IGFBP2: variants seen among roughly 807,000 people sequenced by gnomAD.
IGFBP2 encodes the protein insulin like growth factor binding protein 2.
A neutral mutation model predicts 26.2 loss-of-function variants in IGFBP2; 12 were observed. The ratio of observed to expected loss-of-function variants is 0.46; its 90% CI spans 0.29 to 0.74. The LOEUF (loss-of-function observed/expected upper bound fraction) is 0.74. IGFBP2 is among the 30% of genes least tolerant of loss of function. The pLI is 0.09. For synonymous variants in IGFBP2, 189 were observed against 200.6 expected, an observed-to-expected ratio of 0.94 and a Z score of 0.49; for missense variants, 328 against 441.2, an observed-to-expected ratio of 0.74 and a Z score of 2.30.
At position 216,661,879 on chromosome 2, in the gene IGFBP2, G is replaced by C. The variant is rs1289110996; in HGVS notation, c.694G>C (p.Asp232His). ...GCAGACTCCCTGCCAACAGGAACTG[G>C]ACCAGGTCCTGGAGCGGATCTCCAC... ...PARTPCQQELDQVLERISTMR... is the reference protein window; with the variant it reads ...PARTPCQQELHQVLERISTMR... Residue 232 changes from aspartate (D) to histidine (H), a missense_variant, in exon 3 of 4, where the codon GAC becomes CAC. Physicochemically the swap from Asp to His is moderately conservative, Grantham distance 81. Coordinates refer to ENST00000233809, the MANE Select transcript of IGFBP2 (RefSeq NM_000597.3). The C allele has an allele frequency of 6.2e-7, 1 of 1,614,092 alleles. No individual in the cohort carries two copies. Among genetic ancestry groups the C allele is most frequent in the Non-Finnish European group, 8.5e-7 (1 of 1,180,048 alleles).
intron 3 of IGFBP2, 33 bp from the exon 4 acceptor site, chr2:216,663,907 G>A (rs750251177): frequency 1.5e-5 from 24 of 1,587,652 alleles, no homozygotes; most frequent in Non-Finnish European, 2.0e-5. Context: ...TGCTGGCTGC[G>A]GGCTCCTCCA....
In IGFBP2 at chr2:216,660,711, C is replaced by G; in HGVS notation, c.597C>G (p.His199Gln). ...TCCGGGAGAAGGTCACTGAGCAGCA[C>G]CGGCAGATGGGCAAGGGTGGCAAGC... ...AVFREKVTEQ[H>Q]RQMGKGGKHH... Residue 199 changes from histidine to glutamine, a missense_variant, in exon 2 of 4, where the codon CAC becomes CAG. Coordinates refer to ENST00000233809, the MANE Select transcript of IGFBP2 (RefSeq NM_000597.3). 6.2e-7 allele frequency: 1 copy of G among 1,613,888 alleles called. No homozygotes were observed. The highest frequency in any genetic ancestry group is 1.1e-5 in the South Asian group (1 of 90,986).
At chr2:216,645,348 A>AG (rs1340393806) in intron 1 of IGFBP2, among the ~76,000 whole-genome samples, 1 of 152,050 alleles carries the variant, frequency 6.6e-6, no homozygotes, top group East Asian at 1.9e-4. Flanking sequence ...AGAGATGGGG[A>AG]GGGGAAGAAA....
At chr2:216,658,316 A>C (rs1697957641) in intron 1 of IGFBP2, among the ~76,000 whole-genome samples, 1 of 151,958 alleles carries the variant, frequency 6.6e-6, no homozygotes, top group Non-Finnish European at 1.5e-5. Context: ...TTCTCCCCTC[A>C]TCTTGAGTGG....
intron 1 of IGFBP2, among the ~76,000 whole-genome samples, chr2:216,634,669 G>T (rs992761065): frequency 5.9e-5 from 9 of 152,196 alleles, no homozygotes; most frequent in Non-Finnish European, 8.8e-5. Context: ...CCCGATCGCC[G>T]GCTGCATTCC....
chr2:216,637,609 A>T (rs560939610), intron 1 of IGFBP2, among the ~76,000 whole-genome samples: 1 of 152,358 alleles, frequency 6.6e-6, no homozygotes, highest in South Asian at 2.1e-4. Flanking sequence ...TCGAGAACAG[A>T]AAAATTCTAC....
At chr2:216,662,102 CTGAG>C (rs1688666000) in intron 3 of IGFBP2, 104 bp downstream of exon 3, 1 of 1,314,374 alleles carries the variant, frequency 7.6e-7, no homozygotes. Flanking sequence ...GAGGTCTGAG[CTGAG>C]TGAGAGACTC....
chr2:216,663,953 T>C lies in IGFBP2; in HGVS notation c.827T>C (p.Leu276Pro), dbSNP rs1688705943. The C allele has an allele frequency of 6.2e-7, 1 of 1,613,990 alleles. No homozygotes were observed. The highest frequency in any genetic ancestry group is 8.5e-7 in the Non-Finnish European group (1 of 1,179,996). ...LYNLKQCKMSLNGQRGECWCV... is the reference protein window; with the variant it reads ...LYNLKQCKMSPNGQRGECWCV... The stretch of plus-strand genomic sequence containing the variant: ...CTCTCTCCCCAGTGCAAGATGTCTC[T>C]GAACGGGCAGCGTGGGGAGTGCTGG... Residue 276 changes from leucine to proline, a missense_variant, in exon 4 of 4, where the codon CTG becomes CCG. Coordinates refer to ENST00000233809, the MANE Select transcript of IGFBP2 (RefSeq NM_000597.3).
intron 1 of IGFBP2, 30 bp downstream of exon 1, chr2:216,633,995 G>T (rs750096532): frequency 8.1e-5 from 126 of 1,564,332 alleles, no homozygotes; most frequent in Non-Finnish European, 9.6e-5. Context: ...GTAGTTGGGA[G>T]AAACTTGGAG....
At chr2:216,651,025 A>G (rs763972675) in intron 1 of IGFBP2, among the ~76,000 whole-genome samples, 2 of 152,160 alleles carry the variant, frequency 1.3e-5, no homozygotes, top group South Asian at 4.1e-4. Context: ...GTGCCAGCCT[A>G]TACCGCGACA....
chr2:216,642,246 C>T (rs1380105951), intron 1 of IGFBP2, among the ~76,000 whole-genome samples: 2 of 151,524 alleles, frequency 1.3e-5, no homozygotes, highest in East Asian at 3.9e-4. Context: ...GATCCGCCCA[C>T]CTCGGCCTCC....
At chr2:216,645,055 CTGGA>C (rs1244219689) in intron 1 of IGFBP2, among the ~76,000 whole-genome samples, 1 of 152,186 alleles carries the variant, frequency 6.6e-6, no homozygotes, top group Non-Finnish European at 1.5e-5. Flanking sequence ...GTCTTTACTT[CTGGA>C]TGGAGGTGCC....
At chr2:216,641,790 C>T (rs1272996954) in intron 1 of IGFBP2, among the ~76,000 whole-genome samples, 109 of 142,882 alleles carry the variant, frequency 7.6e-4, no homozygotes, top group African/African-American at 2.5e-3. Context: ...CCTGGGTTCA[C>T]GCCATTCTCC....
intron 1 of IGFBP2, among the ~76,000 whole-genome samples, chr2:216,639,497 C>T (rs1440978329): frequency 1.3e-5 from 2 of 151,962 alleles, no homozygotes; most frequent in African/African-American, 4.8e-5. Flanking sequence ...ACATCCACAT[C>T]TGCTTTTGTT....
intron 1 of IGFBP2, among the ~76,000 whole-genome samples, chr2:216,640,674 C>G (rs1280838793): frequency 1.3e-5 from 2 of 152,178 alleles, no homozygotes; most frequent in Non-Finnish European, 2.9e-5. Context: ...AACCTGGGTA[C>G]CTTCCCACTG....
chr2:216,639,234 C>T (rs1697565558), intron 1 of IGFBP2, among the ~76,000 whole-genome samples: 2 of 152,000 alleles, frequency 1.3e-5, no homozygotes, highest in Admixed American at 1.3e-4. Context: ...AGGGTTTTAC[C>T]ATGTTGGCCA....
intron 1 of IGFBP2, among the ~76,000 whole-genome samples, chr2:216,634,278 G>A (rs1697448614): frequency 6.6e-6 from 1 of 152,170 alleles, no homozygotes; most frequent in African/African-American, 2.4e-5. Context: ...GCTGAGAAGG[G>A]GGCCGGTGGT....
intron 1 of IGFBP2, among the ~76,000 whole-genome samples, chr2:216,653,637 C>T (rs2106200915): frequency 6.6e-6 from 1 of 152,248 alleles, no homozygotes; most frequent in African/African-American, 2.4e-5. Context: ...TCTTTTCATC[C>T]CATCTGCCTT....
chr2:216,634,892 C>CTTTTTTTTTTTTTTT (rs1191096035), intron 1 of IGFBP2, among the ~76,000 whole-genome samples: 1 of 23,782 alleles, frequency 4.2e-5, no homozygotes, highest in African/African-American at 9.0e-5. Flanking sequence ...AAGGAGGTTA[C>CTTTTTTTTTTTTTTT]TTTTTTTTTT....
Sources: gnomAD v4.1 joint callset for allele counts (sites outside exome capture counted in the v4.1 genomes callset) on GRCh38, gnomAD v4.1.1 for gene constraint, MANE v1.5 for transcripts, NCBI Gene and HGNC (gene_info 2026-07-23, HGNC 2026-07-21) for gene names.